Variants in SMTN observed in about 807,000 individuals in gnomAD.
SMTN encodes smoothelin.
A neutral mutation model predicts 102.0 loss-of-function variants in SMTN; 58 were observed. That is an observed-to-expected ratio of 0.57 (90% confidence interval 0.46 to 0.71). The LOEUF (loss-of-function observed/expected upper bound fraction) is 0.71, where lower values mean the gene tolerates loss of function less well. SMTN is among the 30% of genes least tolerant of loss of function. SMTN has a pLI of 0.00. For synonymous variants in SMTN, 478 were observed against 497.9 expected (o/e 0.96, Z 0.53); for missense variants, 1,185 against 1,241.7 (o/e 0.95, Z 0.69).
chr22:31,088,526 G>A lies in SMTN; in HGVS notation c.214G>A (p.Glu72Lys), dbSNP rs773894191. The change falls in exon 4 of 21, where the codon GAA becomes AAA. Residue 72 changes from glutamate to lysine, a missense_variant. Physicochemically the swap from Glu to Lys is moderately conservative, Grantham distance 56 (BLOSUM62 1). Coordinates refer to ENST00000333137, the MANE Select transcript of SMTN (RefSeq NM_134269.3). ...KENWLHSQQR[E>K]AEQRAALARL... ...ATGTCTCTGCAGCTCTCAGCAGCGG[G>A]AAGCTGAGCAGCGGGCTGCCCTGGC... 4 of 1,613,850 alleles carry A rather than the reference G, an allele frequency of 2.5e-6. No individual in the cohort carries two copies. The South Asian group carries it at 3.3e-5, about 13-fold the overall frequency.
chr22:31,066,105 A>C (rs1428716381), intron 1 of SMTN: 4 of 152,088 alleles, frequency 2.6e-5, no homozygotes, highest in Admixed American at 1.3e-4. Context: ...AGACACAAGG[A>C]GCGCCTCATA....
chr22:31,099,056 C>T lies in SMTN; in HGVS notation c.2334-6C>T, dbSNP rs1220255200. The T allele has an allele frequency of 1.2e-6, 2 of 1,610,310 alleles. No individual in the cohort carries two copies. Among genetic ancestry groups the T allele is most frequent in the Non-Finnish European group, 1.7e-6 (2 of 1,179,514 alleles). On this transcript the variant is annotated splice_polypyrimidine_tract_variant and splice_region_variant and intron_variant, in intron 17 of 20. Coordinates refer to ENST00000333137, the MANE Select transcript of SMTN (RefSeq NM_134269.3). Reference sequence around the variant, plus strand: ...GTGTGACCTGGTCCTGACACCGCCCCTACAGCAGCCCTGGCGGACCCCGCG... The same window carrying T: ...GTGTGACCTGGTCCTGACACCGCCCTTACAGCAGCCCTGGCGGACCCCGCG...
chr22:31,072,342 A>C (rs1392743313), intron 1 of SMTN, among the ~76,000 whole-genome samples: 1 of 152,176 alleles, frequency 6.6e-6, no homozygotes, highest in African/African-American at 2.4e-5. Flanking sequence ...TGGGATTCGC[A>C]CCTAGATCTG....
At chr22:31,078,093 G>A (rs1172887439), upstream of SMTN, among the ~76,000 whole-genome samples, 17 of 152,200 alleles carry the variant, frequency 1.1e-4, no homozygotes, top group Middle Eastern at 3.2e-3. Context: ...TGACAGTGCT[G>A]TCCTGGGGAG....
chr22:31,098,952 G>A, intron 17 of SMTN, 110 bp from the exon 18 acceptor site: 1 of 1,540,506 alleles, frequency 6.5e-7, no homozygotes, highest in South Asian at 1.1e-5. Flanking sequence ...CTAGATCTGT[G>A]GTGCAAAGGC....
At chr22:31,070,640 C>G (rs1407261456) in intron 1 of SMTN, among the ~76,000 whole-genome samples, 1 of 152,038 alleles carries the variant, frequency 6.6e-6, no homozygotes, top group East Asian at 1.9e-4. Context: ...ATTATTTAAG[C>G]CAGCCGGGCA....
chr22:31,073,032 T>TTTTTTTTTA (rs869214569), intron 1 of SMTN, among the ~76,000 whole-genome samples: 3 of 110,520 alleles, frequency 2.7e-5, no homozygotes, highest in African/African-American at 6.2e-5. Context: ...TTTTTTTTTT[T>TTTTTTTTTA]GAGACAGGGT....
In SMTN at chr22:31,091,283, C is replaced by T; in HGVS notation, c.1260C>T (p.Gly420=). ...AGGAGGAGGGCCCCAGGGGGCGGGG[C>T]TTGGCTGCTAGGCCCCTTGAAAACA... ...CPQEEGPRGR[G]LAARPLENRA... is the part of the protein sequence containing the mutation. Residue 420 remains glycine (G), a synonymous_variant, in exon 10 of 21, where the codon GGC becomes GGT. Transcript: ENST00000333137. 6.3e-7 allele frequency: 1 copy of T among 1,599,112 alleles called. No homozygotes were observed. The highest frequency in any genetic ancestry group is 8.5e-7 in the Non-Finnish European group (1 of 1,173,568).
At chr22:31,093,484 G>A (rs759409968) in intron 11 of SMTN, 39 of 628,226 alleles carry the variant, frequency 6.2e-5, no homozygotes, top group Admixed American at 1.8e-4. Flanking sequence ...TGAGCTGGCC[G>A]CAGCCCTTGA....
chr22:31,102,891 A>C (rs1185978361), intron 20 of SMTN: 1 of 152,308 alleles, frequency 6.6e-6, no homozygotes, highest in African/African-American at 2.4e-5. Flanking sequence ...AAACAAGCCC[A>C]GTCTGGGATA....
intron 2 of SMTN, among the ~76,000 whole-genome samples, chr22:31,084,333 C>T (rs551212019): frequency 6.8e-4 from 103 of 152,354 alleles, no homozygotes; most frequent in African/African-American, 1.9e-3. Flanking sequence ...CACTCTCATA[C>T]CTTCCCCCGC....
chr22:31,101,067 T>C lies in SMTN; in HGVS notation c.*20+18T>C. 1 of 1,582,890 alleles carries C rather than the reference T, an allele frequency of 6.3e-7. No individual in the cohort carries two copies. Among genetic ancestry groups the C allele is most frequent in the Non-Finnish European group, 8.6e-7 (1 of 1,161,524 alleles). On this transcript the variant is annotated intron_variant, in intron 20 of 20. Transcript: ENST00000333137. ...GCCCCACGGTGAGAAACGCCGCCTC[T>C]ACCACCTGCCCCGTTTCACCAGAAT...
In SMTN at chr22:31,096,882, C is replaced by T. The variant is rs1354156603; in HGVS notation, c.2011C>T (p.Arg671Trp). Residue 671 changes from arginine (R) to tryptophan (W), a missense_variant, in exon 14 of 21, where the codon CGG (arginine) becomes TGG (tryptophan). Arg to Trp is a moderately radical substitution (Grantham distance 101, BLOSUM62 -3). Transcript: ENST00000333137. ...TGTCAGCACTGTTACCAAGACTGAG[C>T]GGCTCGTCCACTCCAGTAAGGGGCC... is the stretch of plus-strand genomic sequence containing the variant. ...SAVSTVTKTE[R>W]LVHSNDGTRT... is the part of the protein sequence containing the mutation. 6 of 1,585,828 alleles carry T rather than the reference C, an allele frequency of 3.8e-6. No homozygotes were observed. Among genetic ancestry groups the T allele is most frequent in the East Asian group, 2.2e-5 (1 of 44,548 alleles).
At chr22:31,085,115 C>A (rs375424003) in intron 2 of SMTN, 5 of 1,535,246 alleles carry the variant, frequency 3.3e-6, no homozygotes, top group Non-Finnish European at 4.4e-6. Flanking sequence ...CGCCGCGTGC[C>A]CCTCCACCAC....
intron 1 of SMTN, among the ~76,000 whole-genome samples, chr22:31,071,408 G>C (rs576729021): frequency 6.6e-5 from 10 of 152,224 alleles, no homozygotes; most frequent in South Asian, 6.2e-4. Flanking sequence ...TGAGGCAGGA[G>C]GATTGCTTGA....
At chr22:31,104,201 T>C (rs2044315541) in intron 20 of SMTN, 115 bp from the exon 21 acceptor site, 4 of 1,247,064 alleles carry the variant, frequency 3.2e-6, no homozygotes, top group Non-Finnish European at 1.1e-6. Context: ...TTTCCCTGTC[T>C]GGAGTTTATG....
chr22:31,100,287 C>A (rs2043969834), intron 19 of SMTN, among the ~76,000 whole-genome samples: 2 of 152,132 alleles, frequency 1.3e-5, no homozygotes, highest in Non-Finnish European at 2.9e-5. Context: ...GGCTCCTGGC[C>A]CGGGCACCGT....
In SMTN at chr22:31,095,661, C is replaced by T. The variant is rs759111846; in HGVS notation, c.1861+52C>T. The T allele has an allele frequency of 1.9e-5, 28 of 1,499,856 alleles. No homozygotes were observed. In the South Asian group the frequency reaches 3.3e-4, roughly 18 times the overall value. The allele number at this position is 1,499,856 out of a possible 1,614,324, so 92.9% of individuals were successfully genotyped here. ...ATCCAGCTGCCCCATTCCCCAGCTG[C>T]TCCCCTCATACTCTGGGGTCCATTT... On this transcript the variant is annotated intron_variant, in intron 13 of 20. Coordinates refer to ENST00000333137, the MANE Select transcript of SMTN (RefSeq NM_134269.3). The surrounding 1 kb of genome is among the most constrained non-coding windows in gnomAD (Gnocchi z 4.1).
chr22:31,088,468 G>C (rs766701368), intron 3 of SMTN, 45 bp from the exon 4 acceptor site: 1 of 1,550,500 alleles, frequency 6.4e-7, no homozygotes, highest in Admixed American at 1.7e-5. Flanking sequence ...CATCCTCCAC[G>C]ACCTGGCCAT....
Sources: gnomAD v4.1 joint callset for allele counts (sites outside exome capture counted in the v4.1 genomes callset) on GRCh38, gnomAD v4.1.1 for gene constraint, Gnocchi (gnomAD v3.1) non-coding constraint, MANE v1.5 for transcripts, NCBI Gene and HGNC (gene_info 2026-07-23, HGNC 2026-07-21) for gene names.